The following PTPN3 variants were observed in gnomAD, a reference collection of about 807,000 sequenced individuals.
PTPN3 encodes the protein tyrosine-protein phosphatase non-receptor type 3.
In PTPN3, 96 loss-of-function variants were observed where a neutral mutation model predicts 132.7. That is an observed-to-expected ratio of 0.72 (90% CI 0.61 to 0.86). The LOEUF is 0.86. PTPN3 is among the 40% of genes least tolerant of loss of function. The pLI is 0.00. For missense variants in PTPN3, 1,125 were observed against 1,159.6 expected (o/e 0.97, Z 0.43); for synonymous variants, 398 against 429.0 (o/e 0.93, Z 0.89).
chr9:109,414,446 G>A (rs1842323113), intron 14 of PTPN3, among the ~76,000 whole-genome samples: 1 of 152,214 alleles, frequency 6.6e-6, no homozygotes, highest in African/African-American at 2.4e-5. Context: ...AGAGGGCACA[G>A]TTTCTTCTGA....
At chr9:109,388,126 C>T (rs1468256240) in intron 22 of PTPN3, among the ~76,000 whole-genome samples, 1 of 152,160 alleles carries the variant, frequency 6.6e-6, no homozygotes, top group African/African-American at 2.4e-5. Context: ...ATGGGAGATG[C>T]TGAAAATTTC....
chr9:109,499,141 G>T (rs962308879), upstream of PTPN3, among the ~76,000 whole-genome samples: 6 of 128,136 alleles, frequency 4.7e-5, no homozygotes, highest in African/African-American at 1.7e-4. Context: ...GGGAAAGAGG[G>T]ACAGGTAACA....
At chr9:109,413,600 T>C (rs1217681854) in intron 14 of PTPN3, among the ~76,000 whole-genome samples, 2 of 151,952 alleles carry the variant, frequency 1.3e-5, no homozygotes, top group African/African-American at 2.4e-5. Flanking sequence ...GGATGAGGGA[T>C]GCAAGAAGAT....
chr9:109,430,823 T>A (rs1413137852), intron 10 of PTPN3, among the ~76,000 whole-genome samples: 2 of 152,216 alleles, frequency 1.3e-5, no homozygotes, highest in Non-Finnish European at 2.9e-5. Context: ...CTGCTCCTCA[T>A]GCCCATGGCC....
At chr9:109,398,964 A>G (rs1173587212) in intron 19 of PTPN3, among the ~76,000 whole-genome samples, 2 of 152,152 alleles carry the variant, frequency 1.3e-5, no homozygotes, top group Admixed American at 1.3e-4. Context: ...GCTCCTTTAC[A>G]TAAGAGAAAG....
intron 1 of PTPN3, among the ~76,000 whole-genome samples, chr9:109,471,185 T>C (rs571060270): frequency 1.3e-5 from 2 of 152,000 alleles, no homozygotes; most frequent in South Asian, 2.1e-4. Flanking sequence ...GCCTCCCGAG[T>C]AGCTGGGGCT....
chr9:109,454,460 TACACTAA>T, intron 5 of PTPN3, 29 bp downstream of exon 5: 1 of 1,542,276 alleles, frequency 6.5e-7, no homozygotes, highest in Non-Finnish European at 8.9e-7. Flanking sequence ...CTCATTTTTA[TACACTAA>T]ACAGAAAACT....
Position 109,389,370 on chromosome 9 carries a change from G to A in PTPN3, c.2116C>T (p.Pro706Ser). The change falls in exon 22 of 26, where the codon CCT becomes TCT. Residue 706 changes from proline to serine, a missense_variant. By Grantham distance (74) the Pro-to-Ser change is moderately conservative (BLOSUM62 -1). Coordinates refer to ENST00000374541, the MANE Select transcript of PTPN3 (RefSeq NM_002829.4). Reference protein sequence around the residue: ...INASYVNMEIPAANLVNKYIA... With the variant: ...INASYVNMEISAANLVNKYIA... ...TACTTGTTCACAAGGTTAGCAGCAGGAATTTCCATCTGGTAAGAAATTGGT... is the reference window on the plus strand; with the variant it reads ...TACTTGTTCACAAGGTTAGCAGCAGAAATTTCCATCTGGTAAGAAATTGGT... The A allele has an allele frequency of 6.2e-7, 1 of 1,613,258 alleles. No homozygotes were observed. The highest frequency in any genetic ancestry group is 1.1e-5 in the South Asian group (1 of 90,734).
Position 109,438,217 on chromosome 9 carries a change from T to A in PTPN3, c.484A>T (p.Asn162Tyr). ...TAGCCTGGATGATGTATGGAAGAAT[T>A]ATAGTCTCCAAAATGAGCTATCAAG... ...YAVQSHFGDY[N>Y]SSIHHPGYLS... The change falls in exon 8 of 26, where the codon AAT becomes TAT. Residue 162 changes from asparagine to tyrosine, a missense_variant. Asn to Tyr is a moderately radical substitution (Grantham distance 143). Transcript: ENST00000374541. 1 of 1,613,006 alleles carries A rather than the reference T, an allele frequency of 6.2e-7. No individual in the cohort carries two copies. Among genetic ancestry groups the A allele is most frequent in the Admixed American group, 1.7e-5 (1 of 59,904 alleles).
intron 1 of PTPN3, among the ~76,000 whole-genome samples, chr9:109,487,977 T>C (rs2132115940): frequency 6.6e-6 from 1 of 152,236 alleles, no homozygotes; most frequent in Admixed American, 6.5e-5. Context: ...CCGGAAAAGG[T>C]TTTTCTGAGG....
In PTPN3 at chr9:109,422,733, G is replaced by A; in HGVS notation, c.1121C>T (p.Pro374Leu). ...ETKSLPSRSP[P>L]ITPNWRSPRL... ...GAGGACATACCAGTTGGGAGTAATG[G>A]GAGGGGAACGAGAAGGCAGACTCTT... is the stretch of plus-strand genomic sequence containing the variant. Residue 374 changes from proline (P) to leucine (L), a missense_variant, in exon 13 of 26, where the codon CCC (proline) becomes CTC (leucine). Physicochemically the swap from Pro to Leu is moderately conservative, Grantham distance 98. Coordinates refer to ENST00000374541, the MANE Select transcript of PTPN3 (RefSeq NM_002829.4). 1 of 1,611,288 alleles carries A rather than the reference G, an allele frequency of 6.2e-7. No individual in the cohort carries two copies. The highest frequency in any genetic ancestry group is 8.5e-7 in the Non-Finnish European group (1 of 1,177,932).
intron 19 of PTPN3, among the ~76,000 whole-genome samples, chr9:109,399,661 A>G (rs1840901434): frequency 7.2e-6 from 1 of 137,938 alleles, no homozygotes; most frequent in South Asian, 2.2e-4. Flanking sequence ...TCCCTTTATG[A>G]AAAAAAAAAA....
chr9:109,420,625 A>G (rs1255392429), intron 13 of PTPN3, 25 bp from the exon 14 acceptor site: 28 of 1,590,942 alleles, frequency 1.8e-5, no homozygotes, highest in Admixed American at 3.4e-5. Context: ...CGTTGAGTGC[A>G]AAGTGTTCAA....
At chr9:109,509,092 T>C in the PTPN3 span, among the ~76,000 whole-genome samples, 2 of 152,224 alleles carry the variant, frequency 1.3e-5, no homozygotes, top group Non-Finnish European at 1.5e-5. Context: ...CCTGTATTGC[T>C]GAGTGAGCTA....
At chr9:109,490,795 C>T (rs796105893) in intron 1 of PTPN3, among the ~76,000 whole-genome samples, 53 of 151,740 alleles carry the variant, frequency 3.5e-4, no homozygotes, top group African/African-American at 1.2e-3. Flanking sequence ...AATTGGGGAA[C>T]TGTCTTAGTT....
the PTPN3 span, among the ~76,000 whole-genome samples, chr9:109,519,709 T>C: frequency 6.6e-6 from 1 of 151,844 alleles, no homozygotes; most frequent in Admixed American, 6.6e-5. Flanking sequence ...AGCCAGGAGA[T>C]TGAGAATAAG....
chr9:109,398,394 T>G (rs191542004), intron 19 of PTPN3, among the ~76,000 whole-genome samples: 1 of 152,366 alleles, frequency 6.6e-6, no homozygotes. Flanking sequence ...GCACCTTTTA[T>G]AATTATCACA....
chr9:109,500,106 A>C (rs1847843467), upstream of PTPN3, among the ~76,000 whole-genome samples: 1 of 152,224 alleles, frequency 6.6e-6, no homozygotes, highest in Non-Finnish European at 1.5e-5. Flanking sequence ...ACCATTGTGA[A>C]TACCTACGCT....
At chr9:109,458,260 A>G (rs188570185) in intron 2 of PTPN3, among the ~76,000 whole-genome samples, 23 of 152,310 alleles carry the variant, frequency 1.5e-4, no homozygotes, top group African/African-American at 3.1e-4. Flanking sequence ...GTTTGGGAGG[A>G]GGACAGGGCC....
Sources: allele counts gnomAD v4.1 joint callset (sites outside exome capture counted in the v4.1 genomes callset), GRCh38; gene constraint gnomAD v4.1.1; transcripts MANE v1.5; gene names NCBI Gene and HGNC (gene_info 2026-07-23, HGNC 2026-07-21).